Variants in SLCO6A1 observed in about 807,000 individuals in gnomAD.
SLCO6A1 encodes the protein solute carrier organic anion transporter family member 6A1, also known as cancer/testis antigen 48.
In SLCO6A1, 65 loss-of-function variants were observed where a neutral mutation model predicts 72.7. The ratio of observed to expected loss-of-function variants is 0.89; its 90% CI spans 0.73 to 1.10. SLCO6A1 has a LOEUF of 1.10. Ranked by LOEUF, SLCO6A1 falls within the 50% of genes least tolerant of loss-of-function variation. The pLI, the probability that SLCO6A1 is intolerant of heterozygous loss-of-function variation, is 0.00. For missense variants in SLCO6A1, 874 were observed against 872.6 expected, an observed-to-expected ratio of 1.00 and a Z score of -0.02; for synonymous variants, 314 against 298.2, an observed-to-expected ratio of 1.05 and a Z score of -0.55.
In SLCO6A1 at chr5:102,398,988, GA is replaced by G. The variant is rs939026709; in HGVS notation, c.1814+566del. Among the ~76,000 whole-genome samples, 332 of 146,806 alleles carry G rather than the reference GA, an allele frequency of 2.3e-3. 3 individuals are homozygous for G. Among genetic ancestry groups the G allele is most frequent in the African/African-American group, 7.5e-3 (300 of 39,960 alleles). On this transcript the variant is annotated intron_variant, in intron 10 of 13. Transcript: ENST00000506729. ...CCTTAAAGTTTTTTGTTAGCGTCTT[GA>G]AAAAAAAAATTGAAAATAACAAAAC... is the stretch of plus-strand genomic sequence containing the variant.
In SLCO6A1 at chr5:102,477,996, A is replaced by G. The variant is rs560985282; in HGVS notation, c.617-135T>C. The G allele has an allele frequency of 3.4e-5, 28 of 827,154 alleles. No homozygotes were observed. In the African/African-American group the frequency reaches 4.5e-4, roughly 13 times the overall value. The allele number at this position is 827,154 out of a possible 1,614,324, so 51.2% of individuals were successfully genotyped here. A position where few individuals can be genotyped will look rare whatever the true frequency, so the allele number is the denominator to read the frequency against. On this transcript the variant is annotated intron_variant, in intron 2 of 13. Coordinates refer to ENST00000506729, the MANE Select transcript of SLCO6A1 (RefSeq NM_173488.5). ...TTCTTTTAGTTAACATTTCATTTAC[A>G]TTGAATGTAGTAGTACTGCAATCAA... is the stretch of plus-strand genomic sequence containing the variant.
intron 4 of SLCO6A1, among the ~76,000 whole-genome samples, chr5:102,465,755 C>A (rs1751278855): frequency 6.6e-6 from 1 of 152,060 alleles, no homozygotes; most frequent in Admixed American, 6.6e-5. Flanking sequence ...CAGTTAGCAC[C>A]TTGGTTGGAA....
intron 6 of SLCO6A1, among the ~76,000 whole-genome samples, chr5:102,449,552 A>T (rs1750301172): frequency 6.6e-6 from 1 of 152,006 alleles, no homozygotes; most frequent in South Asian, 2.1e-4. Context: ...ACACCCAGCT[A>T]ATTTTTTGTA....
chr5:102,419,760 T>C, intron 8 of SLCO6A1, 66 bp downstream of exon 8: 1 of 1,249,982 alleles, frequency 8.0e-7, no homozygotes, highest in Non-Finnish European at 1.1e-6. Flanking sequence ...TAGATAATTA[T>C]TAATTGCCTG....
intron 1 of SLCO6A1, among the ~76,000 whole-genome samples, chr5:102,490,989 C>T (rs778243143): frequency 5.3e-5 from 8 of 152,104 alleles, no homozygotes; most frequent in Non-Finnish European, 1.2e-4. Flanking sequence ...CTGCTGACTG[C>T]TCCATTTTAC....
chr5:102,479,485 T>A (rs1475299179), intron 2 of SLCO6A1, among the ~76,000 whole-genome samples: 1 of 152,138 alleles, frequency 6.6e-6, no homozygotes, highest in Non-Finnish European at 1.5e-5. Flanking sequence ...ATTTCAAGCA[T>A]CTACATTCTA....
chr5:102,385,826 CT>C (rs57983218), intron 12 of SLCO6A1, among the ~76,000 whole-genome samples: 72,110 of 121,086 alleles, frequency 0.6, 20,627 homozygotes, highest in Non-Finnish European at 0.62. Context: ...CCTGTTTTTC[CT>C]TTTTTTTTTT....
At chr5:102,455,515 G>C (rs1295646284) in intron 6 of SLCO6A1, among the ~76,000 whole-genome samples, 1 of 151,946 alleles carries the variant, frequency 6.6e-6, no homozygotes, top group African/African-American at 2.4e-5. Context: ...GTTTCACTTA[G>C]AAAAACAAAG....
intron 6 of SLCO6A1, among the ~76,000 whole-genome samples, chr5:102,439,346 T>A (rs1749713856): frequency 6.6e-6 from 1 of 152,128 alleles, no homozygotes; most frequent in African/African-American, 2.4e-5. Flanking sequence ...TTATCTAATA[T>A]ACTACACAGA....
chr5:102,381,442 T>C (rs1196829847), intron 12 of SLCO6A1, among the ~76,000 whole-genome samples: 1 of 151,832 alleles, frequency 6.6e-6, no homozygotes, highest in East Asian at 1.9e-4. Flanking sequence ...CCATTGTATG[T>C]ATGTCTCTCA....
chr5:102,498,675 G>A lies in SLCO6A1; in HGVS notation c.170C>T (p.Ala57Val), dbSNP rs561716396. 3.8e-5 allele frequency: 62 copies of A among 1,614,188 alleles called. 2 individuals carry two copies. The South Asian group carries it at 6.4e-4, about 17-fold the overall frequency. The change falls in exon 1 of 14, where the codon GCC (alanine) becomes GTC (valine). Residue 57 changes from alanine to valine, a missense_variant. Ala to Val is a moderately conservative substitution (Grantham distance 64, BLOSUM62 0). Transcript: ENST00000506729. ...KHRYLRLLPEALIRFGGFRKR... is the reference protein window; with the variant it reads ...KHRYLRLLPEVLIRFGGFRKR... Reference sequence around the variant, plus strand: ...TCGGAAACCGCCGAACCTTATCAAGGCCTCTGGAAGTAGTCTCAGATACCG... The same window carrying A: ...TCGGAAACCGCCGAACCTTATCAAGACCTCTGGAAGTAGTCTCAGATACCG...
intron 6 of SLCO6A1, 35 bp from the exon 7 acceptor site, chr5:102,438,796 A>AT: frequency 7.1e-7 from 1 of 1,400,466 alleles, no homozygotes; most frequent in Admixed American, 2.8e-5. Context: ...CTATTATTTT[A>AT]TTTTGTTAGA....
intron 7 of SLCO6A1, among the ~76,000 whole-genome samples, chr5:102,423,258 A>T (rs969640533): frequency 1.3e-5 from 2 of 152,208 alleles, no homozygotes; most frequent in African/African-American, 4.8e-5. Flanking sequence ...GACAGGATCA[A>T]ATTCGCACAT....
chr5:102,406,045 C>T (rs1747651641), intron 9 of SLCO6A1, among the ~76,000 whole-genome samples: 1 of 151,790 alleles, frequency 6.6e-6, no homozygotes, highest in Non-Finnish European at 1.5e-5. Context: ...AGAGATAAAA[C>T]AAAATGTCAA....
At chr5:102,431,088 G>A (rs1361247345) in intron 7 of SLCO6A1, among the ~76,000 whole-genome samples, 1 of 152,114 alleles carries the variant, frequency 6.6e-6, no homozygotes, top group African/African-American at 2.4e-5. Context: ...TTGTAAAGGT[G>A]CTCATAGTAG....
intron 4 of SLCO6A1, among the ~76,000 whole-genome samples, chr5:102,464,251 T>C (rs1413650821): frequency 6.6e-6 from 1 of 151,950 alleles, no homozygotes; most frequent in East Asian, 1.9e-4. Context: ...GAAAGAAAAA[T>C]ATTGACATAT....
chr5:102,378,857 C>T (rs557039819), intron 12 of SLCO6A1, among the ~76,000 whole-genome samples: 1 of 152,108 alleles, frequency 6.6e-6, no homozygotes, highest in African/African-American at 2.4e-5. Flanking sequence ...CCTTGGCTCA[C>T]TGCAACCTCT....
At chr5:102,424,014 T>C (rs983370744) in intron 7 of SLCO6A1, among the ~76,000 whole-genome samples, 15 of 152,200 alleles carry the variant, frequency 9.9e-5, no homozygotes, top group African/African-American at 3.4e-4. Flanking sequence ...AACTTGCTAC[T>C]GAATGACTAC....
chr5:102,475,021 G>A (rs142990749), intron 4 of SLCO6A1, among the ~76,000 whole-genome samples: 2,152 of 152,030 alleles, frequency 0.014, 27 homozygotes, highest in Middle Eastern at 0.02. Flanking sequence ...CAGTATAAAA[G>A]TTTTTCGAAA....
Sources: allele counts gnomAD v4.1 joint callset (sites outside exome capture counted in the v4.1 genomes callset), GRCh38; gene constraint gnomAD v4.1.1; transcripts MANE v1.5; gene names NCBI Gene and HGNC (gene_info 2026-07-23, HGNC 2026-07-21).